NLRP12: variants seen among roughly 807,000 people sequenced by gnomAD.
NLRP12 encodes NLR family pyrin domain containing 12.
A neutral mutation model predicts 91.2 loss-of-function variants in NLRP12; 108 were observed. That is an observed-to-expected ratio of 1.18 (90% CI 1.01 to 1.39). NLRP12 has a LOEUF of 1.39. NLRP12 is among the 40% of genes most tolerant of loss of function. The pLI is 0.00. For synonymous variants in NLRP12, 613 were observed against 566.7 expected (o/e 1.08, Z -1.16); for missense variants, 1,530 against 1,352.7 (o/e 1.13, Z -2.06).
At position 53,801,226 on chromosome 19, in the gene NLRP12, C is replaced by T. The variant is rs772410189; in HGVS notation, c.2756+1G>A. On this transcript the variant is annotated splice_donor_variant, in intron 7 of 9. Transcript: ENST00000324134. LOFTEE classifies it high-confidence loss of function. The stretch of plus-strand genomic sequence containing the variant: ...AGCGTGGTGAGCAAAACGGGACTCA[C>T]CGCAGGGTCTGGAGCTTGCACGTGG... 6 of 1,613,910 alleles carry T rather than the reference C, an allele frequency of 3.7e-6. No individual in the cohort carries two copies. The highest frequency in any genetic ancestry group is 5.1e-6 in the Non-Finnish European group (6 of 1,179,964).
rs2091697475 is a variant in NLRP12, at chr19:53,793,953, C to G, written c.*96G>C. ...GATCTCAATCTGCATGAGTCTGTCT[C>G]TAGGAAGGAGGCTGATCATTATGCT... On this transcript the variant is annotated 3_prime_UTR_variant, in exon 10 of 10. Coordinates refer to ENST00000324134, the MANE Select transcript of NLRP12 (RefSeq NM_144687.4). 1.1e-6 allele frequency: 1 copy of G among 879,654 alleles called. No individual in the cohort carries two copies. Among genetic ancestry groups the G allele is most frequent in the Admixed American group, 1.7e-5 (1 of 57,198 alleles). 54.5% of individuals were successfully genotyped at this position (879,654 alleles called of 1,614,324 possible).
intron 8 of NLRP12, 88 bp from the exon 9 acceptor site, chr19:53,796,117 AGTACAG>A (rs1400992992): frequency 7.7e-7 from 1 of 1,292,792 alleles, no homozygotes; most frequent in African/African-American, 1.5e-5. Context: ...CCCAGGCTGG[AGTACAG>A]TGGTGAGATT....
chr19:53,797,098 C>T (rs1406250256), intron 8 of NLRP12, among the ~76,000 whole-genome samples: 2 of 151,904 alleles, frequency 1.3e-5, no homozygotes, highest in Non-Finnish European at 2.9e-5. Context: ...TCACAATTAA[C>T]ATTTGATTGG....
rs557233871 is a variant in NLRP12 at position 53,816,569 on chromosome 19, T to C, written c.290-1581A>G. 3.9e-5 allele frequency among the ~76,000 whole-genome samples: 6 copies of C among 152,262 alleles called. No homozygotes were observed. In the East Asian group the frequency reaches 9.7e-4, roughly 24 times the overall value. On this transcript the variant is annotated intron_variant, in intron 1 of 9. Transcript: ENST00000324134. ...GACAGTCTCGCTCTGTCGCCCAGGCTGGAGTGCAGTGGCGCGATCTCGGCT... is the reference window on the plus strand; with the variant it reads ...GACAGTCTCGCTCTGTCGCCCAGGCCGGAGTGCAGTGGCGCGATCTCGGCT...
intron 2 of NLRP12, among the ~76,000 whole-genome samples, chr19:53,813,744 G>T (rs980185679): frequency 6.6e-6 from 1 of 151,980 alleles, no homozygotes; most frequent in African/African-American, 2.4e-5. Flanking sequence ...CTGGAGTGCA[G>T]TGGCGTGACC....
chr19:53,803,216 T>G (rs1190745991), intron 6 of NLRP12, among the ~76,000 whole-genome samples: 1 of 151,916 alleles, frequency 6.6e-6, no homozygotes, highest in Non-Finnish European at 1.5e-5. Context: ...AGTTTCGTTT[T>G]TGTTGTCCAG....
chr19:53,798,376 C>A lies in NLRP12; in HGVS notation c.2794G>T (p.Gly932Cys). ...ICRLGSAACE[G>C]LSVVLQANHN... ...TTGGCCTGGAGCACCACAGAAAGACCCTCACAGGCGGCAGAGCCCAGCCGG... is the reference window on the plus strand; with the variant it reads ...TTGGCCTGGAGCACCACAGAAAGACACTCACAGGCGGCAGAGCCCAGCCGG... The change falls in exon 8 of 10, where the codon GGT becomes TGT. Residue 932 changes from glycine (G) to cysteine (C), a missense_variant. By Grantham distance (159) the Gly-to-Cys change is radical. Coordinates refer to ENST00000324134, the MANE Select transcript of NLRP12 (RefSeq NM_144687.4). 6.2e-7 allele frequency: 1 copy of A among 1,614,058 alleles called. No individual in the cohort carries two copies. Among genetic ancestry groups the A allele is most frequent in the Non-Finnish European group, 8.5e-7 (1 of 1,180,012 alleles).
intron 1 of NLRP12, among the ~76,000 whole-genome samples, chr19:53,819,523 ATATG>A (rs1171127466): frequency 3.2e-4 from 27 of 85,090 alleles, no homozygotes; most frequent in Middle Eastern, 5.5e-3. Context: ...ATATGTGTAT[ATATG>A]TGTGTATGTA....
chr19:53,800,651 C>T (rs1177711784), intron 7 of NLRP12, among the ~76,000 whole-genome samples: 1 of 151,650 alleles, frequency 6.6e-6, no homozygotes, highest in Non-Finnish European at 1.5e-5. Context: ...GGCTCCATCT[C>T]AGCTCACAGC....
At chr19:53,823,473 A>T (rs190929961) in intron 1 of NLRP12, among the ~76,000 whole-genome samples, 46,693 of 101,662 alleles carry the variant, frequency 0.46, 11,803 homozygotes, top group Non-Finnish European at 0.55. Context: ...ATATATATTT[A>T]AAATATATAT....
chr19:53,809,894 T>A lies in NLRP12; in HGVS notation c.1765A>T (p.Met589Leu). The A allele has an allele frequency of 6.2e-7, 1 of 1,614,082 alleles. No homozygotes were observed. Among genetic ancestry groups the A allele is most frequent in the Non-Finnish European group, 8.5e-7 (1 of 1,180,036 alleles). The change falls in exon 3 of 10, where the codon ATG becomes TTG. Residue 589 changes from methionine (M) to leucine (L), a missense_variant. Physicochemically the swap from Met to Leu is conservative, Grantham distance 15. Coordinates refer to ENST00000324134, the MANE Select transcript of NLRP12 (RefSeq NM_144687.4). The stretch of plus-strand genomic sequence containing the variant: ...CTTTGGATCCACTGCAACAGGTCCA[T>A]CTTGATGTGCGGCGAGACCTTCCAG... ...LCWKVSPHIK[M>L]DLLQWIQSKA...
intron 1 of NLRP12, among the ~76,000 whole-genome samples, chr19:53,816,383 C>T (rs543816288): frequency 2.0e-5 from 3 of 152,018 alleles, no homozygotes; most frequent in African/African-American, 4.8e-5. Context: ...CCCGCCCCCC[C>T]CAACAGTCTC....
In NLRP12 at chr19:53,811,222, C is replaced by T. The variant is rs781341758; in HGVS notation, c.437G>A (p.Arg146His). ...GCTGAGGTTGACACATTCCCCTAGG[C>T]GCGCATTGCGGTCTTCCATGAGCCG... ...KFRLMEDRNA[R>H]LGECVNLSHR... The change falls in exon 3 of 10, where the codon CGC (arginine) becomes CAC (histidine). Residue 146 changes from arginine (R) to histidine (H), a missense_variant. Arg to His is a conservative substitution (Grantham distance 29, BLOSUM62 0). Coordinates refer to ENST00000324134, the MANE Select transcript of NLRP12 (RefSeq NM_144687.4). 2 of 1,614,100 alleles carry T rather than the reference C, an allele frequency of 1.2e-6. No homozygotes were observed. Among genetic ancestry groups the T allele is most frequent in the South Asian group, 1.1e-5 (1 of 91,084 alleles).
rs760185291 is a variant in NLRP12, at chr19:53,811,231, C to A, written c.428G>T (p.Arg143Leu). 1 of 1,614,054 alleles carries A rather than the reference C, an allele frequency of 6.2e-7. No homozygotes were observed. Among genetic ancestry groups the A allele is most frequent in the Non-Finnish European group, 8.5e-7 (1 of 1,180,032 alleles). ...GACACATTCCCCTAGGCGCGCATTG[C>A]GGTCTTCCATGAGCCGGAATTTCCT... ...VRRKFRLMED[R>L]NARLGECVNL... Residue 143 changes from arginine to leucine, a missense_variant, in exon 3 of 10, where the codon CGC (arginine) becomes CTC (leucine). By Grantham distance (102) the Arg-to-Leu change is moderately radical. Coordinates refer to ENST00000324134, the MANE Select transcript of NLRP12 (RefSeq NM_144687.4).
rs1197149964 is a variant in NLRP12, at chr19:53,796,007, CT to C, written c.2949del (p.Ala984ProfsTer17). 3.1e-6 allele frequency: 5 copies of C among 1,614,134 alleles called. No individual in the cohort carries two copies. The East Asian group carries it at 8.9e-5, about 29-fold the overall frequency. ...AAGTAAAGATTCTCACAAGCCTTGG[CT>C]GTGAGGCCACAGCTATCCAGCCTGG... ...QKLWLDSCGL[T>X]AKACENLYFT... On this transcript the variant is annotated frameshift_variant, in exon 9 of 10. Coordinates refer to ENST00000324134, the MANE Select transcript of NLRP12 (RefSeq NM_144687.4). LOFTEE classifies it high-confidence loss of function.
chr19:53,800,602 G>T (rs1199831887), intron 7 of NLRP12, among the ~76,000 whole-genome samples: 62 of 148,862 alleles, frequency 4.2e-4, no homozygotes, highest in African/African-American at 1.5e-3. Context: ...TTTTTTTTGA[G>T]ACGGAGTTTC....
At chr19:53,795,818 T>C in intron 9 of NLRP12, 41 bp downstream of exon 9, 1 of 1,599,080 alleles carries the variant, frequency 6.3e-7, no homozygotes, top group Non-Finnish European at 8.6e-7. Flanking sequence ...CCCAGCCCAA[T>C]GTCCAGCCTC....
In NLRP12 at chr19:53,794,186, A is replaced by C. The variant is rs368190982; in HGVS notation, c.3099-50T>G. 7.1e-5 allele frequency: 86 copies of C among 1,213,502 alleles called. No individual in the cohort carries two copies. In the African/African-American group the frequency reaches 1.2e-3, roughly 17 times the overall value. The allele number at this position is 1,213,502 out of a possible 1,614,324, so 75.2% of individuals were successfully genotyped here. A position where few individuals can be genotyped will look rare whatever the true frequency, so the allele number is the denominator to read the frequency against. ...TTCCAGTGTACTACTGTGGCATTCA[A>C]TTAATAAGCCTTAAGTATCTATTGT... On this transcript the variant is annotated intron_variant, in intron 9 of 9. Transcript: ENST00000324134.
At chr19:53,804,367 GTTTGTTTGTTT>G (rs1162020816) in intron 5 of NLRP12, among the ~76,000 whole-genome samples, 7 of 125,172 alleles carry the variant, frequency 5.6e-5, no homozygotes, top group Non-Finnish European at 1.3e-4. Context: ...AATTTTTTTT[GTTTGTTTGTTT>G]TTTGTTTTTT....
Sources: gnomAD v4.1 joint callset for allele counts (sites outside exome capture counted in the v4.1 genomes callset) on GRCh38, gnomAD v4.1.1 for gene constraint, MANE v1.5 for transcripts, NCBI Gene and HGNC (gene_info 2026-07-23, HGNC 2026-07-21) for gene names.